Variants in SMARCA4 observed in about 807,000 individuals in gnomAD.
SMARCA4 encodes SWI/SNF-related matrix-associated actin-dependent regulator of chromatin subfamily A member 4.
A neutral mutation model predicts 193.9 loss-of-function variants in SMARCA4; 31 were observed. That is an observed-to-expected ratio of 0.16 (90% CI 0.12 to 0.22). The LOEUF (loss-of-function observed/expected upper bound fraction) is 0.22. SMARCA4 is among the 10% of genes least tolerant of loss of function. SMARCA4 has a pLI of 1.00. For missense variants in SMARCA4, 1,148 were observed against 2,296.0 expected (o/e 0.50, Z 10.22); for synonymous variants, 942 against 933.1 (o/e 1.01, Z -0.17).
chr19:11,056,316 C>G (rs968667046), intron 30 of SMARCA4: 1 of 152,212 alleles, frequency 6.6e-6, no homozygotes, highest in African/African-American at 2.4e-5. Flanking sequence ...GCCACCAGCC[C>G]GCTCATAGGA....
rs762148337 is a variant in SMARCA4 at position 11,009,007 on chromosome 19, C to CTTTTTTTTTT, written c.2123+1009_2123+1018dup. ...AAAAAATGTAGGTGGATAAAAGTCA[C>CTTTTTTTTTT]TTTTTTTTTTTTTTTTTTTTTTTTT... On this transcript the variant is annotated intron_variant, in intron 14 of 34. Transcript: ENST00000344626. Among the ~76,000 whole-genome samples the CTTTTTTTTTT allele has an allele frequency of 1.1e-3, 47 of 40,954 alleles. 8 individuals carry two copies. Among genetic ancestry groups the CTTTTTTTTTT allele is most frequent in the South Asian group, 5.2e-3 (4 of 768 alleles). The allele number at this position is 40,954 out of a possible 152,430, so 26.9% of individuals were successfully genotyped here.
intron 20 of SMARCA4, among the ~76,000 whole-genome samples, chr19:11,024,127 C>T (rs887760161): frequency 1.3e-5 from 2 of 152,186 alleles, no homozygotes; most frequent in Admixed American, 6.5e-5. Flanking sequence ...CCCAGTAACC[C>T]TCTGGTATCT....
At chr19:10,982,255 C>T (rs981557906) in intron 1 of SMARCA4, among the ~76,000 whole-genome samples, 2 of 152,020 alleles carry the variant, frequency 1.3e-5, no homozygotes, top group African/African-American at 2.4e-5. Context: ...CGGTTGGGAT[C>T]ACGAGGTCAG....
intron 16 of SMARCA4, among the ~76,000 whole-genome samples, chr19:11,016,260 G>A (rs1038729856): frequency 1.8e-4 from 28 of 152,036 alleles, no homozygotes; most frequent in Non-Finnish European, 2.9e-5. Flanking sequence ...CCGTTCACGA[G>A]GGTTCACGAG....
intron 16 of SMARCA4, chr19:11,015,992 C>G (rs576556631): frequency 1.3e-5 from 2 of 151,608 alleles, no homozygotes. Flanking sequence ...GCCTGGGCAA[C>G]AAGAATGAAA....
intron 34 of SMARCA4, 28 bp from the exon 35 acceptor site, chr19:11,061,756 A>G: frequency 6.2e-7 from 1 of 1,612,406 alleles, no homozygotes; most frequent in Non-Finnish European, 8.5e-7. Flanking sequence ...TGGCCAACGC[A>G]CACTCTCTCC....
At chr19:10,972,657 C>T (rs1271364072) in intron 1 of SMARCA4, among the ~76,000 whole-genome samples, 2 of 152,214 alleles carry the variant, frequency 1.3e-5, no homozygotes, top group African/African-American at 2.4e-5. Context: ...CTGCATCTCC[C>T]TGCCCACTCT....
At chr19:10,989,797 G>C (rs1442951476) in intron 7 of SMARCA4, among the ~76,000 whole-genome samples, 1 of 151,882 alleles carries the variant, frequency 6.6e-6, no homozygotes, top group Admixed American at 6.6e-5. Context: ...CGCCTCCTGG[G>C]ATCAAGCAAT....
intron 8 of SMARCA4, among the ~76,000 whole-genome samples, chr19:10,992,431 T>C (rs2086639784): frequency 2.0e-5 from 3 of 150,004 alleles, no homozygotes; most frequent in Non-Finnish European, 4.5e-5. Context: ...TTTTTTTTTT[T>C]TTTTTTTTTT....
At chr19:10,990,858 C>T (rs964507377) in intron 7 of SMARCA4, among the ~76,000 whole-genome samples, 1 of 152,222 alleles carries the variant, frequency 6.6e-6, no homozygotes, top group Non-Finnish European at 1.5e-5. Context: ...CCACACCCAG[C>T]CAAGAGTGTT....
intron 1 of SMARCA4, among the ~76,000 whole-genome samples, chr19:10,970,407 G>A (rs8103248): frequency 0.018 from 2,791 of 152,252 alleles, 78 homozygotes; most frequent in African/African-American, 0.063. Context: ...TTTGTAGTGG[G>A]AGCAGTCTTA....
At position 10,971,608 on chromosome 19, in the gene SMARCA4, C is replaced by T. The variant is rs962669195; in HGVS notation, c.-32+10434C>T. ...CCTCCCACCTTGGCTTCCCAAGTAG[C>T]TGGGACTACAGCCGCATGCCAGCTA... On this transcript the variant is annotated intron_variant, in intron 1 of 34. Transcript: ENST00000344626. 9.9e-5 allele frequency among the ~76,000 whole-genome samples: 15 copies of T among 151,640 alleles called. 1 individual carries two copies. The highest frequency in any genetic ancestry group is 8.6e-4 in the Admixed American group (13 of 15,168).
chr19:10,984,298 G>A lies in SMARCA4; in HGVS notation c.147G>A (p.Pro49=), dbSNP rs758438795. ...GCATGATGGGGCCCAGCCCAGGGCC[G>A]CCCTCAGCAGGACACCCCATCCCCA... ...AHSMMGPSPG[P]PSAGHPIPTQ... is the part of the protein sequence containing the mutation. The change falls in exon 2 of 35, where the codon CCG becomes CCA. Residue 49 remains proline (P), a synonymous_variant. Transcript: ENST00000344626. This position sits in a 1 kb window ranked among gnomAD's most constrained non-coding sequence, Gnocchi z 4.3. 35 of 1,607,230 alleles carry A rather than the reference G, an allele frequency of 2.2e-5. No individual in the cohort carries two copies. Among genetic ancestry groups the A allele is most frequent in the South Asian group, 4.4e-5 (4 of 90,056 alleles).
intron 30 of SMARCA4, among the ~76,000 whole-genome samples, chr19:11,044,110 A>G (rs2075767865): frequency 6.6e-6 from 1 of 152,210 alleles, no homozygotes; most frequent in African/African-American, 2.4e-5. Flanking sequence ...AGACCCTTGA[A>G]GCGCAGTGGG....
intron 16 of SMARCA4, among the ~76,000 whole-genome samples, chr19:11,015,379 C>T (rs774839910): frequency 1.3e-5 from 2 of 152,158 alleles, no homozygotes; most frequent in Non-Finnish European, 2.9e-5. Flanking sequence ...CCTGGTCGAG[C>T]TTGACGCTGT....
chr19:10,977,335 T>G (rs1166532713), intron 1 of SMARCA4, among the ~76,000 whole-genome samples: 2 of 152,034 alleles, frequency 1.3e-5, no homozygotes, highest in Non-Finnish European at 1.5e-5. Context: ...TTGTTTTTGT[T>G]TTTTTTGAGA....
intron 30 of SMARCA4, among the ~76,000 whole-genome samples, chr19:11,050,124 T>C (rs2076176925): frequency 6.6e-6 from 1 of 152,060 alleles, no homozygotes; most frequent in Non-Finnish European, 1.5e-5. Context: ...TAGACGGTGG[T>C]GTTGAACTTG....
chr19:11,026,917 A>G (rs1202036302), intron 23 of SMARCA4, among the ~76,000 whole-genome samples: 2 of 152,196 alleles, frequency 1.3e-5, no homozygotes, highest in African/African-American at 2.4e-5. Context: ...CTGTGACTCT[A>G]GACAGCTTTC....
chr19:11,048,754 G>A (rs758885531), intron 30 of SMARCA4, among the ~76,000 whole-genome samples: 9 of 152,236 alleles, frequency 5.9e-5, no homozygotes, highest in South Asian at 4.1e-4. Flanking sequence ...GCTTTTGATC[G>A]TTGGAGATAC....
Sources: allele counts gnomAD v4.1 joint callset (sites outside exome capture counted in the v4.1 genomes callset), GRCh38; gene constraint gnomAD v4.1.1; non-coding constraint Gnocchi (gnomAD v3.1); transcripts MANE v1.5; gene names NCBI Gene and HGNC (gene_info 2026-07-23, HGNC 2026-07-21).